The following PPP1R3F variants were observed in gnomAD, a reference collection of about 807,000 sequenced individuals.
The protein encoded by PPP1R3F is protein phosphatase 1, regulatory (inhibitor) subunit 3F.
Under a neutral mutation model 24.2 loss-of-function variants are expected in PPP1R3F, and 29 were observed. The ratio of observed to expected loss-of-function variants is 1.20; its 90% CI spans 0.89 to 1.63. PPP1R3F has a LOEUF of 1.63. Among genes scored for constraint, PPP1R3F ranks in the 40% most tolerant of loss-of-function variants. The pLI is 0.00. For missense variants in PPP1R3F, 823 were observed against 729.3 expected, an observed-to-expected ratio of 1.13 and a Z score of -1.48; for synonymous variants, 363 against 340.1, an observed-to-expected ratio of 1.07 and a Z score of -0.74.
intron 1 of PPP1R3F, among the ~76,000 whole-genome samples, chrX:49,280,194 C>T (rs73500209): frequency 0.073 from 8,136 of 111,475 alleles, 723 homozygotes; most frequent in African/African-American, 0.25. Context: ...CCTTCCTCTG[C>T]CTCACAGTCT....
chrX:49,290,416 C>A (rs1254147213), downstream of PPP1R3F, among the ~76,000 whole-genome samples: 1 of 111,276 alleles, frequency 9.0e-6, no homozygotes, highest in Non-Finnish European at 1.9e-5. Context: ...TCCCCTCAGG[C>A]CTCATTCACA....
At chrX:49,285,226 G>C (rs1248731131) in intron 3 of PPP1R3F, among the ~76,000 whole-genome samples, 1 of 92,879 alleles carries the variant, frequency 1.1e-5, no homozygotes, top group African/African-American at 3.9e-5. Context: ...TTTTTTTTTT[G>C]AGACAAAGTC....
At chrX:49,290,490 C>T (rs888290306), downstream of PPP1R3F, among the ~76,000 whole-genome samples, 2 of 111,225 alleles carry the variant, frequency 1.8e-5, no homozygotes, top group South Asian at 3.8e-4. Context: ...CCTGGAACCC[C>T]GAGCCCTGGT....
At chrX:49,299,534 C>T (rs1557123131) in intron 3 of PPP1R3F, among the ~76,000 whole-genome samples, 4 of 112,196 alleles carry the variant, frequency 3.6e-5, no homozygotes, top group Non-Finnish European at 7.5e-5. Context: ...AGAGCTTGAG[C>T]GCTGTGCTGG....
chrX:49,296,286 T>C (rs1363582470), intron 3 of PPP1R3F, among the ~76,000 whole-genome samples: 1 of 112,183 alleles, frequency 8.9e-6, no homozygotes, highest in African/African-American at 3.2e-5. Flanking sequence ...TTCTTCTAGA[T>C]TTTCTAGTTT....
intron 1 of PPP1R3F, among the ~76,000 whole-genome samples, chrX:49,275,982 G>A (rs1324643510): frequency 8.9e-6 from 1 of 112,348 alleles, no homozygotes; most frequent in Non-Finnish European, 1.9e-5. Flanking sequence ...GGAGTTGAAC[G>A]GGACAAGTCA....
At chrX:49,284,711 A>G (rs1177441832) in intron 3 of PPP1R3F, among the ~76,000 whole-genome samples, 2 of 110,327 alleles carry the variant, frequency 1.8e-5, no homozygotes, top group African/African-American at 6.6e-5. Flanking sequence ...GGGTTTCACC[A>G]TGTTGGCCAG....
At chrX:49,279,644 A>G (rs956472102) in intron 1 of PPP1R3F, among the ~76,000 whole-genome samples, 5 of 111,882 alleles carry the variant, frequency 4.5e-5, no homozygotes, top group African/African-American at 1.3e-4. Flanking sequence ...AGATCATGCT[A>G]TTGCACTCCA....
In PPP1R3F at chrX:49,270,162, G is replaced by A; in HGVS notation, c.293G>A (p.Cys98Tyr). The A allele has an allele frequency of 9.2e-7, 1 of 1,091,160 alleles. No individual in the cohort carries two copies. The allele number at this position is 1,091,160 out of a possible 1,213,427, so 89.9% of individuals were successfully genotyped here. A position where few individuals can be genotyped will look rare whatever the true frequency, so the allele number is the denominator to read the frequency against. The change falls in exon 1 of 4, where the codon TGC becomes TAC. Residue 98 changes from cysteine (C) to tyrosine (Y), a missense_variant. By Grantham distance (194) the Cys-to-Tyr change is radical (BLOSUM62 -2). Coordinates refer to ENST00000055335, the MANE Select transcript of PPP1R3F (RefSeq NM_033215.5). ...GDEGEEEEEA[C>Y]PEPSPLCPVP... ...GAAGGGGAGGAGGAAGAGGAGGCTT[G>A]CCCCGAGCCCTCACCGCTGTGCCCC...
downstream of PPP1R3F, among the ~76,000 whole-genome samples, chrX:49,292,113 G>T (rs1344676710): frequency 2.7e-5 from 3 of 111,505 alleles, no homozygotes; most frequent in Admixed American, 2.9e-4. Flanking sequence ...GAGAAGACGG[G>T]AACAGTCTTA....
rs1443366198 is a variant in PPP1R3F at position 49,273,458 on chromosome X, T to G, written c.1004+2585T>G. Reference sequence around the variant, plus strand: ...CTGTGGTTCCTAACATGACTTGTGATATTATTTTAAGTGGGCAGATGGCTT... The same window carrying G: ...CTGTGGTTCCTAACATGACTTGTGAGATTATTTTAAGTGGGCAGATGGCTT... On this transcript the variant is annotated intron_variant, in intron 1 of 3. Transcript: ENST00000055335. The G allele has an allele frequency of 1.8e-5, 2 of 112,538 alleles. 1 individual carries two copies. Among genetic ancestry groups the G allele is most frequent in the Non-Finnish European group, 3.8e-5 (2 of 53,262 alleles). The allele number at this position is 112,538 out of a possible 1,213,427, so 9.3% of individuals were successfully genotyped here. A position where few individuals can be genotyped will look rare whatever the true frequency, so the allele number is the denominator to read the frequency against.
At position 49,269,917 on chromosome X, in the gene PPP1R3F, C is replaced by G; in HGVS notation, c.48C>G (p.Pro16=). 1 of 906,929 alleles carries G rather than the reference C, an allele frequency of 1.1e-6. No individual in the cohort carries two copies. Among genetic ancestry groups the G allele is most frequent in the Non-Finnish European group, 1.4e-6 (1 of 736,280 alleles). 74.7% of individuals were successfully genotyped at this position (906,929 alleles called of 1,213,427 possible). A position where few individuals can be genotyped will look rare whatever the true frequency, so the allele number is the denominator to read the frequency against. ...PVEPPLRHSA[P]PSPAAGEPRT... ...AGCCCCCGCTGCGGCATTCCGCGCC[C>G]CCCTCGCCGGCCGCGGGTGAGCCCC... The change falls in exon 1 of 4, where the codon CCC becomes CCG. Residue 16 remains proline, a synonymous_variant. Coordinates refer to ENST00000055335, the MANE Select transcript of PPP1R3F (RefSeq NM_033215.5).
At chrX:49,272,749 A>G in intron 1 of PPP1R3F, among the ~76,000 whole-genome samples, 1 of 112,209 alleles carries the variant, frequency 8.9e-6, no homozygotes, top group African/African-American at 3.2e-5. Flanking sequence ...TGTGCTATGA[A>G]CATCAGATCC....
intron 3 of PPP1R3F, among the ~76,000 whole-genome samples, chrX:49,297,922 G>A (rs2066328168): frequency 1.1e-5 from 1 of 93,434 alleles, no homozygotes; most frequent in Non-Finnish European, 2.0e-5. Context: ...CTTTGCATGT[G>A]AGATGGCTCT....
At chrX:49,270,943 C>A in intron 1 of PPP1R3F, 70 bp downstream of exon 1, 1 of 1,053,660 alleles carries the variant, frequency 9.5e-7, no homozygotes, top group Non-Finnish European at 1.3e-6. Flanking sequence ...CATTCCGGCC[C>A]AGGAACCCCT....
chrX:49,278,144 C>T (rs956068713), intron 1 of PPP1R3F, among the ~76,000 whole-genome samples: 2 of 112,180 alleles, frequency 1.8e-5, no homozygotes, highest in Non-Finnish European at 3.8e-5. Context: ...GAGTCCTTTA[C>T]CTGCTGGCTA....
downstream of PPP1R3F, among the ~76,000 whole-genome samples, chrX:49,292,890 C>T (rs955407409): frequency 2.7e-5 from 3 of 111,772 alleles, no homozygotes; most frequent in African/African-American, 9.8e-5. Flanking sequence ...GGAGCCGAGG[C>T]GTTGAGAAAG....
At chrX:49,279,258 C>A (rs1422112994) in intron 1 of PPP1R3F, among the ~76,000 whole-genome samples, 2 of 111,553 alleles carry the variant, frequency 1.8e-5, no homozygotes, top group African/African-American at 6.5e-5. Flanking sequence ...AAACAAAAAC[C>A]AAAAAACCCC....
At chrX:49,300,008 A>G (rs949161674) in intron 3 of PPP1R3F, among the ~76,000 whole-genome samples, 2 of 111,417 alleles carry the variant, frequency 1.8e-5, no homozygotes, top group African/African-American at 6.5e-5. Context: ...CCCCCTTTCC[A>G]GTGGAGTGAA....
Sources: gnomAD v4.1 joint callset for allele counts (sites outside exome capture counted in the v4.1 genomes callset) on GRCh38, gnomAD v4.1.1 for gene constraint, MANE v1.5 for transcripts, NCBI Gene and HGNC (gene_info 2026-07-23, HGNC 2026-07-21) for gene names.